The following PRR27 variants were observed in gnomAD, a reference collection of about 807,000 sequenced individuals.
PRR27 encodes the protein proline-rich protein 27.
Under a neutral mutation model 16.8 loss-of-function variants are expected in PRR27, and 12 were observed. The ratio of observed to expected loss-of-function variants is 0.71; its 90% CI spans 0.46 to 1.16. The LOEUF (loss-of-function observed/expected upper bound fraction) is 1.16. Ranked by LOEUF, PRR27 falls within the 50% of genes most tolerant of loss-of-function variation. PRR27 has a pLI of 0.00. For synonymous variants in PRR27, 100 were observed against 98.4 expected, an observed-to-expected ratio of 1.02 and a Z score of -0.10; for missense variants, 277 against 273.3, an observed-to-expected ratio of 1.01 and a Z score of -0.10.
intron 3 of PRR27, among the ~76,000 whole-genome samples, chr4:70,159,301 T>C (rs1053905788): frequency 6.6e-6 from 1 of 152,216 alleles, no homozygotes; most frequent in African/African-American, 2.4e-5. Context: ...TAGAGATTTA[T>C]CCATGAAGTT....
At chr4:70,161,504 A>G in intron 3 of PRR27, 82 bp from the exon 4 acceptor site, 1 of 840,638 alleles carries the variant, frequency 1.2e-6, no homozygotes, top group East Asian at 2.7e-5. Context: ...AAGAAAGGTT[A>G]TTTAGAAAAG....
Position 70,154,633 on chromosome 4 carries a change from C to T in PRR27, c.51+207C>T, listed in dbSNP as rs549529708. The T allele has an allele frequency of 3.6e-4, 312 of 868,916 alleles. 4 individuals carry two copies. The South Asian group carries it at 3.7e-3, about 10-fold the overall frequency. The allele number at this position is 868,916 out of a possible 1,614,324, so 53.8% of individuals were successfully genotyped here. A position where few individuals can be genotyped will look rare whatever the true frequency, so the allele number is the denominator to read the frequency against. The stretch of plus-strand genomic sequence containing the variant: ...GTTGTAGTATCTGAAAATAGATAAA[C>T]AGCAAGGAAAGGAGGTAAGTTCATA... On this transcript the variant is annotated intron_variant, in intron 1 of 4. Coordinates refer to ENST00000344526, the MANE Select transcript of PRR27 (RefSeq NM_214711.4).
Position 70,158,915 on chromosome 4 carries a change from T to C in PRR27, c.648+15T>C, listed in dbSNP as rs767097050. 1.3e-6 allele frequency: 2 copies of C among 1,591,530 alleles called. No individual in the cohort carries two copies. The highest frequency in any genetic ancestry group is 1.7e-5 in the Admixed American group (1 of 58,728). On this transcript the variant is annotated intron_variant, in intron 3 of 4. Coordinates refer to ENST00000344526, the MANE Select transcript of PRR27 (RefSeq NM_214711.4). ...CTCTTGAACAGGTAGGTTGTTTATA[T>C]CTTACCACTATAATGTATGAGAAAT...
At chr4:70,159,962 C>T (rs1263106650) in intron 3 of PRR27, among the ~76,000 whole-genome samples, 1 of 152,000 alleles carries the variant, frequency 6.6e-6, no homozygotes, top group Non-Finnish European at 1.5e-5. Context: ...AGTTCTCTAC[C>T]TGACCTCAGG....
rs1324210152 is a variant in PRR27, at chr4:70,165,132, A to G, written c.*2471A>G. On this transcript the variant is annotated 3_prime_UTR_variant, in exon 5 of 5. Coordinates refer to ENST00000344526, the MANE Select transcript of PRR27 (RefSeq NM_214711.4). ...TAACATTTGAATTGAGGTAATTTCC[A>G]CTGTGGAAAACAAACTGTTGTTAGT... is the stretch of plus-strand genomic sequence containing the variant. The G allele has an allele frequency of 2.0e-5, 3 of 152,134 alleles. No individual in the cohort carries two copies. The highest frequency in any genetic ancestry group is 7.2e-5 in the African/African-American group (3 of 41,452). The allele number at this position is 152,134 out of a possible 1,614,324, so 9.4% of individuals were successfully genotyped here. A position where few individuals can be genotyped will look rare whatever the true frequency, so the allele number is the denominator to read the frequency against.
chr4:70,159,563 T>A (rs1327636956), intron 3 of PRR27, among the ~76,000 whole-genome samples: 1 of 152,140 alleles, frequency 6.6e-6, no homozygotes, highest in Admixed American at 6.5e-5. Context: ...CACACACACA[T>A]GCACATGTAT....
rs544342545 is a variant in PRR27 at position 70,165,709 on chromosome 4, T to C, written c.*3048T>C. The C allele has an allele frequency of 6.6e-6, 1 of 152,234 alleles. No individual in the cohort carries two copies. Among genetic ancestry groups the C allele is most frequent in the South Asian group, 2.1e-4 (1 of 4,832 alleles). The allele number at this position is 152,234 out of a possible 1,614,324, so 9.4% of individuals were successfully genotyped here. A position where few individuals can be genotyped will look rare whatever the true frequency, so the allele number is the denominator to read the frequency against. ...CCATCTTACATAATTCTTTACTGTA[T>C]AGCGTTCCCTTTAGCCACTGGAAAA... is the stretch of plus-strand genomic sequence containing the variant. On this transcript the variant is annotated 3_prime_UTR_variant, in exon 5 of 5. Coordinates refer to ENST00000344526, the MANE Select transcript of PRR27 (RefSeq NM_214711.4).
rs371303125 is a variant in PRR27 at position 70,161,156 on chromosome 4, GTA to G, written c.649-407_649-406del. ...CATCTGCTGGGGTATTATGAACACT[GTA>G]TATATATATATATATATATATACAC... On this transcript the variant is annotated intron_variant, in intron 3 of 4. Transcript: ENST00000344526. 9.9e-4 allele frequency among the ~76,000 whole-genome samples: 93 copies of G among 93,908 alleles called. 2 individuals are homozygous for G. Among genetic ancestry groups the G allele is most frequent in the African/African-American group, 3.4e-3 (71 of 21,070 alleles). 61.6% of individuals were successfully genotyped at this position (93,908 alleles called of 152,430 possible).
intron 1 of PRR27, chr4:70,154,847 T>C: frequency 3.0e-6 from 3 of 994,050 alleles, no homozygotes; most frequent in Non-Finnish European, 1.4e-6. Flanking sequence ...ATGCACATCA[T>C]ACCTTTAGTG....
Position 70,154,380 on chromosome 4 carries a change from A to C in PRR27, c.5A>C (p.Lys2Thr), listed in dbSNP as rs1041963300. ...ATATTCATAGGGTCAATCAAAATGAAGCTTCTCCTTTGGGCCTGCATTGTA... is the reference window on the plus strand; with the variant it reads ...ATATTCATAGGGTCAATCAAAATGACGCTTCTCCTTTGGGCCTGCATTGTA... MKLLLWACIVCV... is the reference protein window; with the variant it reads MTLLLWACIVCV... The change falls in exon 1 of 5, where the codon AAG becomes ACG. Residue 2 changes from lysine to threonine, a missense_variant. By Grantham distance (78) the Lys-to-Thr change is moderately conservative. Coordinates refer to ENST00000344526, the MANE Select transcript of PRR27 (RefSeq NM_214711.4). 3 of 1,611,584 alleles carry C rather than the reference A, an allele frequency of 1.9e-6. No homozygotes were observed. The East Asian group carries it at 6.7e-5, about 36-fold the overall frequency.
In PRR27 at chr4:70,158,582, G is replaced by A. The variant is rs759437234; in HGVS notation, c.330G>A (p.Pro110=). 3.5e-5 allele frequency: 57 copies of A among 1,613,876 alleles called. No homozygotes were observed. In the South Asian group the frequency reaches 4.0e-4, roughly 11 times the overall value. Residue 110 remains proline, a synonymous_variant, in exon 3 of 5, where the codon CCG becomes CCA. Transcript: ENST00000344526. The part of the protein sequence containing the change: ...NVPPLPPRGF[P]FVPPSRFFSA... Reference sequence around the variant, plus strand: ...CTCCTCTCCCTCCTAGGGGTTTCCCGTTTGTCCCTCCTTCAAGGTTTTTTT... The same window carrying A: ...CTCCTCTCCCTCCTAGGGGTTTCCCATTTGTCCCTCCTTCAAGGTTTTTTT...
intron 3 of PRR27, 143 bp from the exon 4 acceptor site, chr4:70,161,443 G>A: frequency 2.1e-6 from 1 of 480,036 alleles, no homozygotes. Flanking sequence ...TAGCAGTATA[G>A]AATATTTTAA....
chr4:70,155,924 G>A (rs1031841355), intron 1 of PRR27, 130 bp from the exon 2 acceptor site: 1 of 596,604 alleles, frequency 1.7e-6, no homozygotes, highest in African/African-American at 2.0e-5. Context: ...ATTCATATTA[G>A]TTACTCAAAT....
At chr4:70,160,474 T>TGTGTGTGTGTG (rs1553902854) in intron 3 of PRR27, among the ~76,000 whole-genome samples, 18 of 149,756 alleles carry the variant, frequency 1.2e-4, no homozygotes, top group Admixed American at 4.0e-4. Context: ...TGTGTGTGTG[T>TGTGTGTGTGTG]TTTCCCTTGC....
chr4:70,159,192 G>A (rs1181167204), intron 3 of PRR27, among the ~76,000 whole-genome samples: 1 of 151,990 alleles, frequency 6.6e-6, no homozygotes, highest in Non-Finnish European at 1.5e-5. Flanking sequence ...TCCCATCCCT[G>A]GGCTGTTTTT....
intron 1 of PRR27, among the ~76,000 whole-genome samples, chr4:70,155,094 A>G (rs1728445609): frequency 6.6e-6 from 1 of 152,204 alleles, no homozygotes; most frequent in Admixed American, 6.5e-5. Context: ...TAGAAACTCA[A>G]CTGCTACTTG....
At chr4:70,161,219 T>TAC in intron 3 of PRR27, among the ~76,000 whole-genome samples, 3 of 143,370 alleles carry the variant, frequency 2.1e-5, no homozygotes, top group Admixed American at 7.0e-5. Context: ...TATATATATA[T>TAC]ATATATATAT....
Position 70,163,259 on chromosome 4 carries a change from G to A in PRR27, c.*598G>A, listed in dbSNP as rs1370900976. On this transcript the variant is annotated 3_prime_UTR_variant, in exon 5 of 5. Transcript: ENST00000344526. The stretch of plus-strand genomic sequence containing the variant: ...CCTAATACTTCTAACCTTCTCCACT[G>A]CATCTAGCCAACTCTAGCTATTGTC... 6.6e-6 allele frequency: 1 copy of A among 150,946 alleles called. No individual in the cohort carries two copies. Among genetic ancestry groups the A allele is most frequent in the Non-Finnish European group, 1.5e-5 (1 of 67,970 alleles). The allele number at this position is 150,946 out of a possible 1,614,324, so 9.4% of individuals were successfully genotyped here.
chr4:70,158,711 T>G lies in PRR27; in HGVS notation c.459T>G (p.Pro153=), dbSNP rs779131186. The G allele has an allele frequency of 3.4e-5, 53 of 1,581,520 alleles. No individual in the cohort carries two copies. The highest frequency in any genetic ancestry group is 4.5e-5 in the Non-Finnish European group (52 of 1,155,732). Residue 153 remains proline (P), a synonymous_variant, in exon 3 of 5, where the codon CCT becomes CCG. Coordinates refer to ENST00000344526, the MANE Select transcript of PRR27 (RefSeq NM_214711.4). ...PVAAEPAAGA[P]VAAEPAAEAP... ...CAGCTGAGCCTGCTGCAGGGGCCCC[T>G]GTTGCAGCTGAGCCTGCTGCAGAGG...
Sources: gnomAD v4.1 joint callset for allele counts (sites outside exome capture counted in the v4.1 genomes callset) on GRCh38, gnomAD v4.1.1 for gene constraint, MANE v1.5 for transcripts, NCBI Gene and HGNC (gene_info 2026-07-23, HGNC 2026-07-21) for gene names.